The following PAN3 variants were observed in gnomAD, a reference collection of about 807,000 sequenced individuals.
PAN3 encodes PAN2-PAN3 deadenylation complex subunit PAN3.
A neutral mutation model predicts 96.2 loss-of-function variants in PAN3; 19 were observed. The observed-to-expected ratio is 0.20, with a 90% confidence interval of 0.14 to 0.29. The LOEUF (loss-of-function observed/expected upper bound fraction) is 0.29, where lower values mean the gene tolerates loss of function less well. PAN3 is among the 10% of genes least tolerant of loss of function. The pLI, the probability that PAN3 is intolerant of heterozygous loss-of-function variation, is 1.00. For synonymous variants in PAN3, 433 were observed against 406.6 expected, an observed-to-expected ratio of 1.06 and a Z score of -0.78; for missense variants, 882 against 1,108.1, an observed-to-expected ratio of 0.80 and a Z score of 2.90.
intron 5 of PAN3, among the ~76,000 whole-genome samples, chr13:28,207,552 C>T (rs1879520198): frequency 1.3e-5 from 2 of 152,152 alleles, no homozygotes; most frequent in South Asian, 4.1e-4. Flanking sequence ...GTTCTTGCTT[C>T]TCCTTTGGCT....
intron 6 of PAN3, among the ~76,000 whole-genome samples, chr13:28,243,922 G>A (rs1419779892): frequency 3.3e-5 from 5 of 152,132 alleles, no homozygotes; most frequent in East Asian, 1.9e-4. Flanking sequence ...TCCTGACCTC[G>A]TGATCCACCT....
chr13:28,166,088 A>G (rs536541560), intron 1 of PAN3, among the ~76,000 whole-genome samples: 1 of 152,290 alleles, frequency 6.6e-6, no homozygotes, highest in South Asian at 2.1e-4. Context: ...AGTAGTCTCA[A>G]AAGTCTTCCA....
At chr13:28,139,571 G>A (rs12868245) in intron 1 of PAN3, among the ~76,000 whole-genome samples, 3 of 149,258 alleles carry the variant, frequency 2.0e-5, no homozygotes, top group Non-Finnish European at 4.5e-5. Context: ...GAGGTGAGGG[G>A]CGGGCTTAAG....
Position 28,211,768 on chromosome 13 carries a change from T to C in PAN3, c.853-8463T>C, listed in dbSNP as rs80159959. On this transcript the variant is annotated intron_variant, in intron 5 of 18. Coordinates refer to ENST00000380958, the MANE Select transcript of PAN3 (RefSeq NM_175854.8). ...AGCTAAAAAACTGAACAAAAACATA[T>C]GTAACAGCAGTTTTCAAGACATGAG... 1.2e-3 allele frequency among the ~76,000 whole-genome samples: 177 copies of C among 152,244 alleles called. 4 individuals carry two copies. The East Asian group carries it at 0.026, about 22-fold the overall frequency.
intron 4 of PAN3, among the ~76,000 whole-genome samples, chr13:28,194,466 A>ATATATATATATT (rs1429166016): frequency 8.2e-6 from 1 of 122,130 alleles, no homozygotes; most frequent in African/African-American, 3.6e-5. Context: ...ATATATATAT[A>ATATATATATATT]TTTTTTTTTT....
At chr13:28,196,010 C>T (rs1320351169) in intron 4 of PAN3, among the ~76,000 whole-genome samples, 2 of 149,600 alleles carry the variant, frequency 1.3e-5, no homozygotes, top group African/African-American at 2.5e-5. Context: ...ATTTGACTGG[C>T]TATAGGTTTT....
chr13:28,177,145 A>G (rs1875124352), intron 3 of PAN3, among the ~76,000 whole-genome samples: 1 of 152,132 alleles, frequency 6.6e-6, no homozygotes, highest in African/African-American at 2.4e-5. Context: ...ATGAAGATAA[A>G]TATTTAAGTA....
At chr13:28,162,031 T>A (rs1377289677) in intron 1 of PAN3, among the ~76,000 whole-genome samples, 1 of 152,242 alleles carries the variant, frequency 6.6e-6, no homozygotes, top group African/African-American at 2.4e-5. Context: ...TATTAGTGTT[T>A]CATCAGAAAA....
intron 1 of PAN3, among the ~76,000 whole-genome samples, chr13:28,154,156 T>C (rs985241657): frequency 1.3e-5 from 2 of 152,226 alleles, no homozygotes; most frequent in Non-Finnish European, 2.9e-5. Flanking sequence ...AGTAAGTTCA[T>C]CTTGGAATGT....
intron 6 of PAN3, among the ~76,000 whole-genome samples, chr13:28,228,159 C>A (rs1182218864): frequency 1.3e-5 from 2 of 152,158 alleles, no homozygotes; most frequent in African/African-American, 4.8e-5. Context: ...ATTTACTGTT[C>A]TGTGTGTTAC....
intron 6 of PAN3, among the ~76,000 whole-genome samples, chr13:28,230,878 A>G (rs1157095176): frequency 1.3e-5 from 2 of 152,218 alleles, no homozygotes; most frequent in African/African-American, 4.8e-5. Flanking sequence ...CTCAAGAAGA[A>G]AAAAATGGTT....
intron 17 of PAN3, among the ~76,000 whole-genome samples, chr13:28,286,948 A>G (rs1462866960): frequency 6.6e-6 from 1 of 152,042 alleles, no homozygotes; most frequent in Non-Finnish European, 1.5e-5. Flanking sequence ...CCTGGCGTCA[A>G]ATCTGCCTTT....
intron 1 of PAN3, among the ~76,000 whole-genome samples, chr13:28,146,947 C>T (rs987205727): frequency 2.0e-5 from 3 of 151,168 alleles, no homozygotes; most frequent in Non-Finnish European, 4.4e-5. Context: ...CGTGCCACTG[C>T]ATTCCAGCCT....
chr13:28,186,003 C>G (rs903646168), intron 4 of PAN3, among the ~76,000 whole-genome samples: 2 of 152,202 alleles, frequency 1.3e-5, no homozygotes, highest in South Asian at 4.1e-4. Context: ...CACAAACATG[C>G]TAGCCTAAGC....
intron 1 of PAN3, among the ~76,000 whole-genome samples, chr13:28,144,700 A>G (rs191643508): frequency 5.8e-4 from 86 of 149,228 alleles, no homozygotes; most frequent in African/African-American, 2.1e-3. Context: ...GATTATCAAA[A>G]GCAAACCAAA....
At position 28,201,579 on chromosome 13, in the gene PAN3, CGGG is replaced by C. The variant is rs1173872367; in HGVS notation, c.852+4236_852+4238del. Among the ~76,000 whole-genome samples, 4 of 150,972 alleles carry C rather than the reference CGGG, an allele frequency of 2.6e-5. 1 individual carries two copies. In the South Asian group the frequency reaches 8.4e-4, roughly 32 times the overall value. ...AATAATAATTTTTTTTTTTAAGAGA[CGGG>C]GGAGTGGGGGTCTCACTCTGTTGCC... On this transcript the variant is annotated intron_variant, in intron 5 of 18. Coordinates refer to ENST00000380958, the MANE Select transcript of PAN3 (RefSeq NM_175854.8).
intron 4 of PAN3, among the ~76,000 whole-genome samples, chr13:28,194,428 G>C (rs1293121219): frequency 1.4e-5 from 2 of 140,828 alleles, no homozygotes. Context: ...GTGTGTGTGT[G>C]TATATATACA....
intron 6 of PAN3, among the ~76,000 whole-genome samples, chr13:28,236,292 C>T (rs1213795103): frequency 2.0e-5 from 3 of 152,112 alleles, no homozygotes; most frequent in African/African-American, 7.2e-5. Context: ...TATATAGGTA[C>T]AGATCAGAAT....
intron 1 of PAN3, among the ~76,000 whole-genome samples, chr13:28,154,600 G>A (rs1295517993): frequency 6.6e-6 from 1 of 151,806 alleles, no homozygotes; most frequent in Non-Finnish European, 1.5e-5. Context: ...GTTCAAGTGA[G>A]TCTCCCGCCT....
Sources: allele counts gnomAD v4.1 joint callset (sites outside exome capture counted in the v4.1 genomes callset), GRCh38; gene constraint gnomAD v4.1.1; transcripts MANE v1.5; gene names NCBI Gene and HGNC (gene_info 2026-07-23, HGNC 2026-07-21).